PPARGC1A: variants seen among roughly 807,000 people sequenced by gnomAD.
PPARGC1A encodes the protein peroxisome proliferator-activated receptor gamma coactivator 1-alpha.
In PPARGC1A, 25 loss-of-function variants were observed where a neutral mutation model predicts 88.7. The ratio of observed to expected loss-of-function variants is 0.28; its 90% CI spans 0.21 to 0.39. The LOEUF is 0.39. Among genes scored for constraint, PPARGC1A ranks in the 10% least tolerant of loss-of-function variants. PPARGC1A has a pLI of 1.00. For missense variants in PPARGC1A, 880 were observed against 968.7 expected, an observed-to-expected ratio of 0.91 and a Z score of 1.22; for synonymous variants, 363 against 355.6, an observed-to-expected ratio of 1.02 and a Z score of -0.24.
the PPARGC1A span, among the ~76,000 whole-genome samples, chr4:24,384,327 A>G: frequency 2.0e-5 from 3 of 152,196 alleles, no homozygotes; most frequent in African/African-American, 7.2e-5. Flanking sequence ...TGCATCAACT[A>G]ACAGGCAAAA....
chr4:23,903,268 G>T (rs1003073748), upstream of PPARGC1A, among the ~76,000 whole-genome samples: 17 of 152,084 alleles, frequency 1.1e-4, no homozygotes, highest in Non-Finnish European at 2.9e-5. Context: ...TAAGAACCCG[G>T]GTTCTTATCC....
chr4:24,297,136 G>A, the PPARGC1A span, among the ~76,000 whole-genome samples: 1 of 152,160 alleles, frequency 6.6e-6, no homozygotes, highest in Non-Finnish European at 1.5e-5. Context: ...TTAGAAGAAA[G>A]TGTTCTGGGT....
the PPARGC1A span, among the ~76,000 whole-genome samples, chr4:24,242,538 CAG>C: frequency 2.6e-5 from 4 of 152,186 alleles, no homozygotes; most frequent in Non-Finnish European, 5.9e-5. Flanking sequence ...ACCTCAGCGG[CAG>C]AGTTTGTGGC....
chr4:24,188,627 T>G, the PPARGC1A span, among the ~76,000 whole-genome samples: 1 of 152,044 alleles, frequency 6.6e-6, no homozygotes, highest in Non-Finnish European at 1.5e-5. Flanking sequence ...ATGGTTACTA[T>G]CAAAGAAACT....
the PPARGC1A span, among the ~76,000 whole-genome samples, chr4:24,025,484 T>G: frequency 1.3e-5 from 2 of 152,056 alleles, no homozygotes; most frequent in South Asian, 4.1e-4. Flanking sequence ...CTCTCCTCCC[T>G]CCCCAAGAAT....
chr4:23,846,981 G>A (rs1331801089), intron 2 of PPARGC1A, among the ~76,000 whole-genome samples: 1 of 152,166 alleles, frequency 6.6e-6, no homozygotes, highest in East Asian at 1.9e-4. Context: ...ATAGATGCTT[G>A]TAAAGTAGTG....
chr4:23,925,879 C>T, the PPARGC1A span, among the ~76,000 whole-genome samples: 1 of 152,000 alleles, frequency 6.6e-6, no homozygotes, highest in African/African-American at 2.4e-5. Flanking sequence ...AAGGAAGAAA[C>T]TTCTAGTCAA....
At chr4:24,173,071 C>T in the PPARGC1A span, among the ~76,000 whole-genome samples, 5 of 152,110 alleles carry the variant, frequency 3.3e-5, no homozygotes, top group Non-Finnish European at 5.9e-5. Flanking sequence ...TAAATGTGAA[C>T]AGGTTGTGAT....
the PPARGC1A span, among the ~76,000 whole-genome samples, chr4:23,966,901 C>G: frequency 6.6e-6 from 1 of 152,162 alleles, no homozygotes; most frequent in Non-Finnish European, 1.5e-5. Context: ...CTTCTCATCA[C>G]GCCATACTGC....
chr4:24,345,530 G>GT, the PPARGC1A span, among the ~76,000 whole-genome samples: 4 of 151,688 alleles, frequency 2.6e-5, no homozygotes, highest in Middle Eastern at 3.4e-3. Context: ...GTTTTGTTTT[G>GT]TTTTTTGCAG....
the PPARGC1A span, among the ~76,000 whole-genome samples, chr4:23,924,005 G>A: frequency 1.3e-5 from 2 of 152,206 alleles, no homozygotes; most frequent in African/African-American, 4.8e-5. Flanking sequence ...TCAGAGCCCA[G>A]GAGGCAGGGG....
At chr4:24,031,837 T>C in the PPARGC1A span, among the ~76,000 whole-genome samples, 2 of 152,206 alleles carry the variant, frequency 1.3e-5, no homozygotes, top group African/African-American at 4.8e-5. Context: ...ATGCACAATC[T>C]CAGAAGACTA....
At chr4:24,380,797 A>G in the PPARGC1A span, among the ~76,000 whole-genome samples, 1 of 151,976 alleles carries the variant, frequency 6.6e-6, no homozygotes, top group Non-Finnish European at 1.5e-5. Context: ...TAGACTGGGT[A>G]ATTGACTGGA....
chr4:24,414,715 G>T, the PPARGC1A span, among the ~76,000 whole-genome samples: 7 of 152,184 alleles, frequency 4.6e-5, no homozygotes, highest in Non-Finnish European at 8.8e-5. Flanking sequence ...GAGAAGCACT[G>T]TGCACCAGCT....
chr4:24,336,963 C>T, the PPARGC1A span, among the ~76,000 whole-genome samples: 3 of 152,116 alleles, frequency 2.0e-5, no homozygotes, highest in Middle Eastern at 6.8e-3. Context: ...TGACTTTGTG[C>T]AAAAAGTTAT....
the PPARGC1A span, among the ~76,000 whole-genome samples, chr4:24,457,468 G>A: frequency 6.6e-6 from 1 of 152,122 alleles, no homozygotes; most frequent in Non-Finnish European, 1.5e-5. Context: ...GATGCCATAG[G>A]ATATAGTCAA....
At chr4:23,959,901 A>G in the PPARGC1A span, among the ~76,000 whole-genome samples, 1 of 152,134 alleles carries the variant, frequency 6.6e-6, no homozygotes, top group African/African-American at 2.4e-5. Flanking sequence ...GGCTCATGCA[A>G]TGAGTGCCCA....
the PPARGC1A span, among the ~76,000 whole-genome samples, chr4:24,382,578 C>G: frequency 6.6e-6 from 1 of 152,174 alleles, no homozygotes; most frequent in Non-Finnish European, 1.5e-5. Context: ...CATCTGTAGG[C>G]TCGGAAGCCC....
chr4:23,793,068 G>A lies in PPARGC1A; in HGVS notation c.*2754C>T, dbSNP rs1716929365. 6.6e-6 allele frequency: 1 copy of A among 152,540 alleles called. No individual in the cohort carries two copies. Among genetic ancestry groups the A allele is most frequent in the East Asian group, 1.9e-4 (1 of 5,164 alleles). The allele number at this position is 152,540 out of a possible 1,614,324, so 9.4% of individuals were successfully genotyped here. On this transcript the variant is annotated 3_prime_UTR_variant, in exon 13 of 13. Coordinates refer to ENST00000264867, the MANE Select transcript of PPARGC1A (RefSeq NM_013261.5). ...CAAAAAGGAGAATGTATTTAAAATT[G>A]GTTCACAAAAATTTAAAGGCAAAAT...
Sources: gnomAD v4.1 joint callset for allele counts (sites outside exome capture counted in the v4.1 genomes callset) on GRCh38, gnomAD v4.1.1 for gene constraint, MANE v1.5 for transcripts, NCBI Gene and HGNC (gene_info 2026-07-23, HGNC 2026-07-21) for gene names.